SMPD3: variants seen among roughly 807,000 people sequenced by gnomAD.
SMPD3 encodes nSMase-2.
A neutral mutation model predicts 55.7 loss-of-function variants in SMPD3; 21 were observed. That is an observed-to-expected ratio of 0.38 (90% CI 0.27 to 0.54). The LOEUF is 0.54. SMPD3 is among the 20% of genes least tolerant of loss of function. The probability of loss-of-function intolerance (pLI) is 0.80; values close to 1 mark genes in which losing one functional copy is unlikely to be tolerated. For synonymous variants in SMPD3, 457 were observed against 404.3 expected, an observed-to-expected ratio of 1.13 and a Z score of -1.56; for missense variants, 842 against 899.6, an observed-to-expected ratio of 0.94 and a Z score of 0.82.
In SMPD3 at chr16:68,402,047, C is replaced by T. The variant is rs551551455; in HGVS notation, c.-268-15388G>A. On this transcript the variant is annotated intron_variant, in intron 1 of 8. Coordinates refer to ENST00000219334, the MANE Select transcript of SMPD3 (RefSeq NM_018667.4). ...CTTAGCAGGACCTCCCTGCAAGCTCCGACTCTCCTTCACCCACGCCACGGC... is the reference window on the plus strand; with the variant it reads ...CTTAGCAGGACCTCCCTGCAAGCTCTGACTCTCCTTCACCCACGCCACGGC... Among the ~76,000 whole-genome samples the T allele has an allele frequency of 1.4e-4, 22 of 152,264 alleles. No homozygotes were observed. In the East Asian group the frequency reaches 2.3e-3, roughly 16 times the overall value.
chr16:68,412,087 G>A (rs1226103552), intron 1 of SMPD3, among the ~76,000 whole-genome samples: 1 of 152,196 alleles, frequency 6.6e-6, no homozygotes, highest in Non-Finnish European at 1.5e-5. Flanking sequence ...GGGAGGCAGA[G>A]GCAGTTGCTA....
rs78065222 is a variant in SMPD3, at chr16:68,411,508, G to C, written c.-268-24849C>G. 6.4e-3 allele frequency among the ~76,000 whole-genome samples: 981 copies of C among 152,316 alleles called. 7 individuals are homozygous for C. Among genetic ancestry groups the C allele is most frequent in the African/African-American group, 0.022 (911 of 41,560 alleles). The stretch of plus-strand genomic sequence containing the variant: ...TGCAGGCATGGGTGGAGGCTGGTGA[G>C]TGAGGGATGGGAGGGTGATGGAGGG... On this transcript the variant is annotated intron_variant, in intron 1 of 8. Transcript: ENST00000219334.
rs565627886 is a variant in SMPD3, at chr16:68,427,070, C to T, written c.-269+21283G>A. ...GGAGTGCAGTGGTGAGATCTCGGCTCACTGCAACCTCCACCTCCGGGGTTC... is the reference window on the plus strand; with the variant it reads ...GGAGTGCAGTGGTGAGATCTCGGCTTACTGCAACCTCCACCTCCGGGGTTC... On this transcript the variant is annotated intron_variant, in intron 1 of 8. Coordinates refer to ENST00000219334, the MANE Select transcript of SMPD3 (RefSeq NM_018667.4). Among the ~76,000 whole-genome samples the T allele has an allele frequency of 4.2e-5, 6 of 141,594 alleles. No individual in the cohort carries two copies. The East Asian group carries it at 1.3e-3, about 30-fold the overall frequency. 92.9% of individuals were successfully genotyped at this position (141,594 alleles called of 152,430 possible).
intron 1 of SMPD3, among the ~76,000 whole-genome samples, chr16:68,414,838 C>G (rs2090327444): frequency 6.6e-6 from 1 of 152,180 alleles, no homozygotes; most frequent in African/African-American, 2.4e-5. Context: ...GCCTTGGTCA[C>G]CCAGGGACAT....
chr16:68,411,821 T>C (rs2090303734), intron 1 of SMPD3, among the ~76,000 whole-genome samples: 2 of 152,002 alleles, frequency 1.3e-5, no homozygotes, highest in African/African-American at 4.8e-5. Context: ...CCTAGGGCAG[T>C]GGGACAGCAT....
chr16:68,424,854 G>A (rs2090423511), intron 1 of SMPD3, among the ~76,000 whole-genome samples: 1 of 152,134 alleles, frequency 6.6e-6, no homozygotes. Context: ...GGGATTACAG[G>A]TGCACATCAC....
chr16:68,434,202 C>T (rs759769137), intron 1 of SMPD3, among the ~76,000 whole-genome samples: 7 of 152,174 alleles, frequency 4.6e-5, no homozygotes, highest in South Asian at 4.1e-4. Flanking sequence ...TACTCCTTTC[C>T]GTTGTTATAT....
intron 2 of SMPD3, among the ~76,000 whole-genome samples, chr16:68,384,666 A>C (rs985137032): frequency 6.6e-6 from 1 of 152,100 alleles, no homozygotes; most frequent in African/African-American, 2.4e-5. Context: ...CTCCCCCACC[A>C]TCCCAACTTC....
intron 1 of SMPD3, among the ~76,000 whole-genome samples, chr16:68,419,390 C>T (rs991091074): frequency 3.3e-5 from 5 of 152,262 alleles, no homozygotes; most frequent in African/African-American, 1.2e-4. Flanking sequence ...TCAGCCAGTG[C>T]GGGAGAAACA....
At position 68,361,116 on chromosome 16, in the gene SMPD3, C is replaced by A; in HGVS notation, c.*90G>T. On this transcript the variant is annotated 3_prime_UTR_variant, in exon 9 of 9. Transcript: ENST00000219334. Reference sequence around the variant, plus strand: ...TCCCTCCCTGTCCCTGCCCTCCTCCCCCAAGCACCGGGCACTCGATGGAGG... The same window carrying A: ...TCCCTCCCTGTCCCTGCCCTCCTCCACCAAGCACCGGGCACTCGATGGAGG... 1 of 1,230,570 alleles carries A rather than the reference C, an allele frequency of 8.1e-7. No individual in the cohort carries two copies. Among genetic ancestry groups the A allele is most frequent in the Admixed American group, 2.1e-5 (1 of 48,700 alleles). The allele number at this position is 1,230,570 out of a possible 1,614,324, so 76.2% of individuals were successfully genotyped here. A position where few individuals can be genotyped will look rare whatever the true frequency, so the allele number is the denominator to read the frequency against.
At chr16:68,409,846 C>G (rs1050556553) in intron 1 of SMPD3, among the ~76,000 whole-genome samples, 1 of 152,258 alleles carries the variant, frequency 6.6e-6, no homozygotes, top group African/African-American at 2.4e-5. Flanking sequence ...CCCGCCTCAG[C>G]TTCCCAAAGT....
chr16:68,416,267 C>A (rs7185412), intron 1 of SMPD3, among the ~76,000 whole-genome samples: 2 of 152,016 alleles, frequency 1.3e-5, no homozygotes, highest in Admixed American at 6.5e-5. Context: ...AGCTCAGAGC[C>A]CGACCCTTTC....
intron 1 of SMPD3, among the ~76,000 whole-genome samples, chr16:68,425,799 C>G (rs2090431962): frequency 6.6e-6 from 1 of 152,152 alleles, no homozygotes; most frequent in South Asian, 2.1e-4. Flanking sequence ...GGAGAACAAG[C>G]ACTCCCTGCT....
Position 68,361,176 on chromosome 16 carries a change from G to T in SMPD3, c.*30C>A, listed in dbSNP as rs1440473387. On this transcript the variant is annotated 3_prime_UTR_variant, in exon 9 of 9. Coordinates refer to ENST00000219334, the MANE Select transcript of SMPD3 (RefSeq NM_018667.4). Reference sequence around the variant, plus strand: ...CCAGGGATGGGCTGCAGCTGCAAGGGCTGGCAGAGGCCCCGCTGCTCCGGA... The same window carrying T: ...CCAGGGATGGGCTGCAGCTGCAAGGTCTGGCAGAGGCCCCGCTGCTCCGGA... 2.5e-6 allele frequency: 4 copies of T among 1,591,688 alleles called. No individual in the cohort carries two copies. The highest frequency in any genetic ancestry group is 1.3e-5 in the African/African-American group (1 of 74,408).
chr16:68,381,257 A>G (rs1197782288), intron 2 of SMPD3, among the ~76,000 whole-genome samples: 3 of 152,100 alleles, frequency 2.0e-5, no homozygotes, highest in Non-Finnish European at 2.9e-5. Context: ...ACCATGAAAG[A>G]CCATCCCTCT....
In SMPD3 at chr16:68,358,616, G is replaced by GT. The variant is rs1403254259; in HGVS notation, c.*2589dup. On this transcript the variant is annotated 3_prime_UTR_variant, in exon 9 of 9. Transcript: ENST00000219334. The stretch of plus-strand genomic sequence containing the variant: ...AATCTCAGCAAGTTAAAAAGCAATA[G>GT]TTAAAAAGCATCAAGATTAATATAC... 6.5e-6 allele frequency: 1 copy of GT among 152,682 alleles called. No homozygotes were observed. Among genetic ancestry groups the GT allele is most frequent in the Non-Finnish European group, 1.5e-5 (1 of 68,038 alleles). 9.5% of individuals were successfully genotyped at this position (152,682 alleles called of 1,614,324 possible).
intron 2 of SMPD3, among the ~76,000 whole-genome samples, chr16:68,375,520 G>A (rs2089788941): frequency 6.6e-6 from 1 of 152,188 alleles, no homozygotes; most frequent in Non-Finnish European, 1.5e-5. Flanking sequence ...GTTCCTAAGG[G>A]AATTCTGCAA....
chr16:68,359,410 C>G lies in SMPD3; in HGVS notation c.*1796G>C, dbSNP rs1282790921. ...ACTCTGGAGGGGCAGGGCTTGGGCCCGGGCAGACGGTGCTTCCCAGGCCAG... is the reference window on the plus strand; with the variant it reads ...ACTCTGGAGGGGCAGGGCTTGGGCCGGGGCAGACGGTGCTTCCCAGGCCAG... On this transcript the variant is annotated 3_prime_UTR_variant, in exon 9 of 9. Transcript: ENST00000219334. The G allele has an allele frequency of 6.6e-6, 1 of 152,584 alleles. No individual in the cohort carries two copies. Among genetic ancestry groups the G allele is most frequent in the African/African-American group, 2.4e-5 (1 of 41,458 alleles). 9.5% of individuals were successfully genotyped at this position (152,584 alleles called of 1,614,324 possible).
intron 1 of SMPD3, among the ~76,000 whole-genome samples, chr16:68,397,588 C>A (rs745794118): frequency 1.3e-5 from 2 of 152,178 alleles, no homozygotes; most frequent in Non-Finnish European, 2.9e-5. Context: ...TCTTTCATGG[C>A]CCCCAGGATA....
Sources: allele counts gnomAD v4.1 joint callset (sites outside exome capture counted in the v4.1 genomes callset), GRCh38; gene constraint gnomAD v4.1.1; transcripts MANE v1.5; gene names NCBI Gene and HGNC (gene_info 2026-07-23, HGNC 2026-07-21).